The following TMEM108 variants were observed in gnomAD, a reference collection of about 807,000 sequenced individuals.
TMEM108 encodes the protein cancer/testis antigen 124.
TMEM108 carries 12 observed loss-of-function variants against 35.1 expected under a neutral mutation model. That is an observed-to-expected ratio of 0.34 (90% CI 0.22 to 0.55). The LOEUF (loss-of-function observed/expected upper bound fraction) is 0.55. Among genes scored for constraint, TMEM108 ranks in the 20% least tolerant of loss-of-function variants. The pLI is 0.89. For synonymous variants in TMEM108, 287 were observed against 308.6 expected (o/e 0.93, Z 0.73); for missense variants, 680 against 753.3 (o/e 0.90, Z 1.14).
intron 3 of TMEM108, among the ~76,000 whole-genome samples, chr3:133,339,113 T>C (rs1374122875): frequency 2.6e-5 from 4 of 151,712 alleles, no homozygotes; most frequent in Admixed American, 2.6e-4. Flanking sequence ...TACTTATCAA[T>C]AATAACATTG....
intron 3 of TMEM108, among the ~76,000 whole-genome samples, chr3:133,309,787 G>A (rs1157203595): frequency 3.0e-5 from 4 of 131,672 alleles, no homozygotes; most frequent in Non-Finnish European, 4.7e-5. Flanking sequence ...TGCAAGCTCC[G>A]CCTCCCGGGT....
chr3:133,084,493 G>A (rs1943856042), intron 2 of TMEM108, among the ~76,000 whole-genome samples: 1 of 152,178 alleles, frequency 6.6e-6, no homozygotes, highest in Non-Finnish European at 1.5e-5. Context: ...ATAGTTCATA[G>A]GAGAAAAGGG....
At chr3:133,378,563 A>G in intron 3 of TMEM108, 1 of 985,260 alleles carries the variant, frequency 1.0e-6, no homozygotes, top group Non-Finnish European at 1.2e-6. Flanking sequence ...ACAGGTCAGA[A>G]TCAGGCCTCA....
chr3:133,355,182 A>G (rs1290945078), intron 3 of TMEM108, among the ~76,000 whole-genome samples: 1 of 151,988 alleles, frequency 6.6e-6, no homozygotes, highest in East Asian at 1.9e-4. Context: ...AAATGATACA[A>G]CATGCTGCTT....
chr3:133,176,535 A>G (rs1172188710), intron 2 of TMEM108, among the ~76,000 whole-genome samples: 3 of 152,212 alleles, frequency 2.0e-5, no homozygotes, highest in Admixed American at 1.3e-4. Flanking sequence ...ACTCAACTAC[A>G]TGGAAACTGA....
At chr3:133,100,724 T>G (rs1258710272) in intron 2 of TMEM108, among the ~76,000 whole-genome samples, 2 of 152,216 alleles carry the variant, frequency 1.3e-5, no homozygotes, top group Non-Finnish European at 1.5e-5. Flanking sequence ...ATCCATCCAT[T>G]CCATGAAGTC....
chr3:133,312,745 A>G (rs1011567617), intron 3 of TMEM108, among the ~76,000 whole-genome samples: 5 of 152,176 alleles, frequency 3.3e-5, no homozygotes, highest in Admixed American at 6.5e-5. Flanking sequence ...CCACTGTCCA[A>G]CCAGTCCCAG....
chr3:133,324,255 A>G (rs1055099778), intron 3 of TMEM108, among the ~76,000 whole-genome samples: 6 of 152,184 alleles, frequency 3.9e-5, no homozygotes, highest in African/African-American at 1.4e-4. Context: ...GTGGGAGAAA[A>G]TTTTCGCAAA....
rs572039558 is a variant in TMEM108 at position 133,180,470 on chromosome 3, A to T, written c.-46-48796A>T. On this transcript the variant is annotated intron_variant, in intron 2 of 5. Transcript: ENST00000321871. ...AATAAAGGGTTTTATTTTCCTTCAT[A>T]TTTTTGTTTTTAGCATTCTAGTCTT... Among the ~76,000 whole-genome samples, 24 of 152,138 alleles carry T rather than the reference A, an allele frequency of 1.6e-4. No homozygotes were observed. In the South Asian group the frequency reaches 4.8e-3, roughly 30 times the overall value.
intron 2 of TMEM108, among the ~76,000 whole-genome samples, chr3:133,080,720 T>C (rs1301936746): frequency 1.3e-5 from 2 of 152,238 alleles, no homozygotes; most frequent in African/African-American, 4.8e-5. Context: ...TGCTACATGC[T>C]GATTGTAAAG....
At chr3:133,134,430 A>G (rs1294382262) in intron 2 of TMEM108, among the ~76,000 whole-genome samples, 3 of 151,944 alleles carry the variant, frequency 2.0e-5, no homozygotes, top group Non-Finnish European at 2.9e-5. Context: ...GGATTTGTCT[A>G]TTTCTCTTAA....
chr3:133,061,484 A>G (rs1187737578), intron 2 of TMEM108, among the ~76,000 whole-genome samples: 1 of 152,028 alleles, frequency 6.6e-6, no homozygotes, highest in African/African-American at 2.4e-5. Flanking sequence ...AAGTGCTGGG[A>G]TTACAGGCAT....
intron 2 of TMEM108, among the ~76,000 whole-genome samples, chr3:133,145,562 G>A (rs1247672722): frequency 6.6e-6 from 1 of 152,092 alleles, no homozygotes; most frequent in African/African-American, 2.4e-5. Flanking sequence ...GGGCAGCGTG[G>A]CCATTTTCAC....
At chr3:133,095,290 G>T (rs1943998879) in intron 2 of TMEM108, among the ~76,000 whole-genome samples, 2 of 152,138 alleles carry the variant, frequency 1.3e-5, no homozygotes, top group Non-Finnish European at 2.9e-5. Context: ...GTCTCAGCCT[G>T]TGTAGAAAGC....
chr3:133,347,169 A>G (rs949145721), intron 3 of TMEM108, among the ~76,000 whole-genome samples: 8 of 152,136 alleles, frequency 5.3e-5, no homozygotes, highest in Admixed American at 3.9e-4. Context: ...TATCCATAAA[A>G]TAACTTGCTT....
rs145971156 is a variant in TMEM108, at chr3:133,365,557, G to A, written c.41-14195G>A. Among the ~76,000 whole-genome samples, 10 of 152,234 alleles carry A rather than the reference G, an allele frequency of 6.6e-5. No individual in the cohort carries two copies. In the South Asian group the frequency reaches 8.3e-4, roughly 13 times the overall value. ...CAAGGAGCCACTTTCTCTTACTCCC[G>A]CTCTCTAGGACATAGGGGCAGCTAC... On this transcript the variant is annotated intron_variant, in intron 3 of 5. Transcript: ENST00000321871.
At chr3:133,268,577 A>C (rs9843370) in intron 3 of TMEM108, among the ~76,000 whole-genome samples, 67,193 of 152,108 alleles carry the variant, frequency 0.44, 15,337 homozygotes, top group African/African-American at 0.52. Context: ...TACAGAATAG[A>C]TCCAGAGAGC....
At chr3:133,310,593 C>A (rs2071114312) in intron 3 of TMEM108, among the ~76,000 whole-genome samples, 1 of 109,298 alleles carries the variant, frequency 9.1e-6, no homozygotes, top group African/African-American at 3.6e-5. Context: ...TTCCTCCATC[C>A]CTTTATTTTG....
At chr3:133,347,474 CAACT>C in intron 3 of TMEM108, among the ~76,000 whole-genome samples, 1 of 151,930 alleles carries the variant, frequency 6.6e-6, no homozygotes, top group South Asian at 2.1e-4. Context: ...TATAGAAAAC[CAACT>C]GACTTTTGTA....
Sources: gnomAD v4.1 joint callset for allele counts (sites outside exome capture counted in the v4.1 genomes callset) on GRCh38, gnomAD v4.1.1 for gene constraint, MANE v1.5 for transcripts, NCBI Gene and HGNC (gene_info 2026-07-23, HGNC 2026-07-21) for gene names.